The following EGFL7 variants were observed in gnomAD, a reference collection of about 807,000 sequenced individuals.
The protein encoded by EGFL7 is epidermal growth factor-like protein 7.
In EGFL7, 48 loss-of-function variants were observed where a neutral mutation model predicts 37.1. The observed-to-expected ratio is 1.29, with a 90% CI of 1.03 to 1.65. The LOEUF is 1.65. Ranked by LOEUF, EGFL7 falls within the 40% of genes most tolerant of loss-of-function variation. EGFL7 has a pLI of 0.00. For missense variants in EGFL7, 384 were observed against 378.9 expected (o/e 1.01, Z -0.11); for synonymous variants, 180 against 156.8 (o/e 1.15, Z -1.10).
chr9:136,671,891 G>A (rs1008829349), intron 9 of EGFL7, 35 bp from the exon 10 acceptor site: 8 of 1,459,060 alleles, frequency 5.5e-6, no homozygotes, highest in Non-Finnish European at 7.2e-6. Flanking sequence ...GAGGGCGGGG[G>A]CCGGCCCAGG....
chr9:136,670,487 TC>T, intron 8 of EGFL7, 157 bp downstream of exon 8: 3 of 996,788 alleles, frequency 3.0e-6, no homozygotes, highest in Non-Finnish European at 4.6e-6. Flanking sequence ...ATAGGTGGGT[TC>T]CCGAGAACTG....
chr9:136,668,363 G>C lies in EGFL7; in HGVS notation c.80+1G>C, dbSNP rs758996126. ...GCACAGAGCACGCCTACCGGCCCGG[G>C]TGAGCCAAGCCCTAGCCTGGGAGTG... On this transcript the variant is annotated splice_donor_variant, in intron 4 of 10. Coordinates refer to ENST00000308874, the MANE Select transcript of EGFL7 (RefSeq NM_016215.5). LOFTEE classifies it high-confidence loss of function. 1.9e-6 allele frequency: 3 copies of C among 1,595,264 alleles called. No homozygotes were observed. In the South Asian group the frequency reaches 3.4e-5, roughly 18 times the overall value.
In EGFL7 at chr9:136,669,737, C is replaced by T. The variant is rs779814003; in HGVS notation, c.313+16C>T. 6.4e-7 allele frequency: 1 copy of T among 1,556,796 alleles called. No homozygotes were observed. The highest frequency in any genetic ancestry group is 2.3e-5 in the East Asian group (1 of 42,790). On this transcript the variant is annotated intron_variant, in intron 6 of 10. Coordinates refer to ENST00000308874, the MANE Select transcript of EGFL7 (RefSeq NM_016215.5). ...TGTGGAGCAGGTGAGGGCTATGTCC[C>T]TCGGCGCCCGGTGTTAGGAGGGCGA...
Position 136,670,164 on chromosome 9 carries a change from T to A in EGFL7, c.410-5T>A. The A allele has an allele frequency of 1.2e-6, 2 of 1,612,694 alleles. No homozygotes were observed. The highest frequency in any genetic ancestry group is 1.3e-5 in the African/African-American group (1 of 75,048). Reference sequence around the variant, plus strand: ...CATGGCCGCCTGACACCCCGTTTCCTGCAGATGTGGATGAATGCAGTGCTA... The same window carrying A: ...CATGGCCGCCTGACACCCCGTTTCCAGCAGATGTGGATGAATGCAGTGCTA... On this transcript the variant is annotated splice_polypyrimidine_tract_variant and splice_region_variant and intron_variant, in intron 7 of 10. Coordinates refer to ENST00000308874, the MANE Select transcript of EGFL7 (RefSeq NM_016215.5).
intron 3 of EGFL7, among the ~76,000 whole-genome samples, chr9:136,667,400 C>T (rs1845544699): frequency 6.6e-6 from 1 of 152,216 alleles, no homozygotes; most frequent in Non-Finnish European, 1.5e-5. Flanking sequence ...CTCCAGACCC[C>T]TGGCTGCGCA....
chr9:136,670,710 C>G (rs1210242296), intron 8 of EGFL7: 1 of 769,304 alleles, frequency 1.3e-6, no homozygotes, highest in Non-Finnish European at 2.4e-6. Context: ...GCCGCTGAGA[C>G]CTCAGCCTTG....
chr9:136,662,075 G>T (rs547773747), upstream of EGFL7, among the ~76,000 whole-genome samples: 126 of 151,100 alleles, frequency 8.3e-4, no homozygotes, highest in African/African-American at 3.0e-3. Context: ...GAACAGGGAA[G>T]ATGAGGGTCA....
At chr9:136,665,850 C>T (rs1845433884) in intron 3 of EGFL7, 1 of 139,066 alleles carries the variant, frequency 7.2e-6, no homozygotes, top group Non-Finnish European at 1.6e-5. Flanking sequence ...GCGCCGGGGT[C>T]GGGGTCCGGT....
chr9:136,662,638 C>G (rs768447771), upstream of EGFL7, among the ~76,000 whole-genome samples: 1 of 152,218 alleles, frequency 6.6e-6, no homozygotes, highest in Non-Finnish European at 1.5e-5. Flanking sequence ...GCGTCCTCCA[C>G]CCCACACTCT....
chr9:136,668,196 G>A, intron 3 of EGFL7, 45 bp from the exon 4 acceptor site: 3 of 1,191,842 alleles, frequency 2.5e-6, no homozygotes, highest in South Asian at 1.4e-5. Context: ...CCCGCGTCCT[G>A]GGGGCATCTG....
At chr9:136,668,694 A>G in intron 5 of EGFL7, 21 bp downstream of exon 5, 1 of 1,576,086 alleles carries the variant, frequency 6.3e-7, no homozygotes. Flanking sequence ...CACCACACCG[A>G]GCTCACCCAG....
At chr9:136,662,721 C>T (rs1179395052), upstream of EGFL7, among the ~76,000 whole-genome samples, 4 of 152,116 alleles carry the variant, frequency 2.6e-5, no homozygotes, top group East Asian at 5.8e-4. Flanking sequence ...GCCCAGGGGA[C>T]GGCTTCCCCA....
chr9:136,668,258 G>T lies in EGFL7; in HGVS notation c.-25G>T, dbSNP rs768993120. ...TGCCCCAGGCCACCCAGAGGAGAAG[G>T]CCACCCCGCCTGGAGGCACAGGCCA... On this transcript the variant is annotated 5_prime_UTR_variant, in exon 4 of 11. Transcript: ENST00000308874. 1.7e-5 allele frequency: 27 copies of T among 1,584,836 alleles called. No homozygotes were observed. The African/African-American group carries it at 3.2e-4, about 19-fold the overall frequency.
At chr9:136,665,776 G>C (rs1346150673) in intron 3 of EGFL7, 13 of 146,384 alleles carry the variant, frequency 8.9e-5, no homozygotes, top group Non-Finnish European at 1.5e-4. Context: ...GCGCGGGCTC[G>C]GGCGGCAGTG....
chr9:136,668,269 T>A lies in EGFL7; in HGVS notation c.-14T>A, dbSNP rs1257815934. 6.3e-7 allele frequency: 1 copy of A among 1,598,100 alleles called. No individual in the cohort carries two copies. The highest frequency in any genetic ancestry group is 1.3e-5 in the African/African-American group (1 of 74,658). ...ACCCAGAGGAGAAGGCCACCCCGCC[T>A]GGAGGCACAGGCCATGAGGGGCTCT... On this transcript the variant is annotated 5_prime_UTR_variant, in exon 4 of 11. Transcript: ENST00000308874.
upstream of EGFL7, among the ~76,000 whole-genome samples, chr9:136,660,718 G>C (rs1845093383): frequency 6.6e-6 from 1 of 152,182 alleles, no homozygotes; most frequent in Non-Finnish European, 1.5e-5. Flanking sequence ...GCTGTCCCCT[G>C]GCCGGATAGG....
intron 3 of EGFL7, 135 bp downstream of exon 3, chr9:136,664,920 G>T (rs1325721589): frequency 6.6e-6 from 1 of 152,294 alleles, no homozygotes; most frequent in African/African-American, 2.4e-5. Flanking sequence ...CCCACGTGCC[G>T]CGCCCGCAGT....
At chr9:136,669,262 C>T (rs541587086) in intron 5 of EGFL7, among the ~76,000 whole-genome samples, 1 of 152,376 alleles carries the variant, frequency 6.6e-6, no homozygotes, top group African/African-American at 2.4e-5. Context: ...AGGGCCCACA[C>T]TCTGCCGTGA....
rs1588236836 is a variant in EGFL7 at position 136,668,131 on chromosome 9, G to A, written c.-42-110G>A. The A allele has an allele frequency of 1.3e-5, 8 of 626,566 alleles. No homozygotes were observed. The East Asian group carries it at 2.4e-4, about 19-fold the overall frequency. The allele number at this position is 626,566 out of a possible 1,614,324, so 38.8% of individuals were successfully genotyped here. On this transcript the variant is annotated intron_variant, in intron 3 of 10. Coordinates refer to ENST00000308874, the MANE Select transcript of EGFL7 (RefSeq NM_016215.5). ...GCCACCGTGGGGCTGTCCCACCGGT[G>A]GAGGCTCCAGCGGAGATGAGCTGGG...
Sources: allele counts gnomAD v4.1 joint callset (sites outside exome capture counted in the v4.1 genomes callset), GRCh38; gene constraint gnomAD v4.1.1; transcripts MANE v1.5; gene names NCBI Gene and HGNC (gene_info 2026-07-23, HGNC 2026-07-21).